Variants in PAN3 observed in about 807,000 individuals in gnomAD.
PAN3 encodes the protein poly(A) specific ribonuclease subunit PAN3.
Under a neutral mutation model 96.2 loss-of-function variants are expected in PAN3, and 19 were observed. That is an observed-to-expected ratio of 0.20 (90% confidence interval 0.14 to 0.29). The LOEUF is 0.29. Among genes scored for constraint, PAN3 ranks in the 10% least tolerant of loss-of-function variants. The pLI, the probability that PAN3 is intolerant of heterozygous loss-of-function variation, is 1.00. For synonymous variants in PAN3, 433 were observed against 406.6 expected (o/e 1.06, Z -0.78); for missense variants, 882 against 1,108.1 (o/e 0.80, Z 2.90).
At chr13:28,251,801 G>A (rs73158116) in intron 6 of PAN3, among the ~76,000 whole-genome samples, 2,202 of 152,172 alleles carry the variant, frequency 0.014, 20 homozygotes, top group Middle Eastern at 0.037. Flanking sequence ...ATCTGACCTA[G>A]CTTATAATTC....
chr13:28,238,619 G>T (rs985054165), intron 6 of PAN3, among the ~76,000 whole-genome samples: 4 of 152,208 alleles, frequency 2.6e-5, no homozygotes, highest in Admixed American at 2.6e-4. Flanking sequence ...TTAATTAATA[G>T]CATTGATACT....
At chr13:28,282,352 T>TA (rs1175417762) in intron 17 of PAN3, among the ~76,000 whole-genome samples, 1 of 151,712 alleles carries the variant, frequency 6.6e-6, no homozygotes, top group Non-Finnish European at 1.5e-5. Flanking sequence ...TTTTTTTTTT[T>TA]ACCATGGAAT....
intron 1 of PAN3, among the ~76,000 whole-genome samples, chr13:28,157,583 A>G (rs1872358294): frequency 6.6e-6 from 1 of 152,238 alleles, no homozygotes; most frequent in South Asian, 2.1e-4. Context: ...GCTGAGTGCC[A>G]AATCAAGAAT....
chr13:28,202,809 T>C (rs1480641330), intron 5 of PAN3, among the ~76,000 whole-genome samples: 1 of 152,196 alleles, frequency 6.6e-6, no homozygotes, highest in Non-Finnish European at 1.5e-5. Flanking sequence ...GTTAAGCATG[T>C]GTTTATTTCT....
intron 5 of PAN3, among the ~76,000 whole-genome samples, chr13:28,212,948 A>G (rs1290214495): frequency 6.6e-6 from 1 of 152,188 alleles, no homozygotes; most frequent in Non-Finnish European, 1.5e-5. Flanking sequence ...AAACCCACAG[A>G]CTCAAGGTGT....
At chr13:28,238,193 C>T (rs1227043423) in intron 6 of PAN3, among the ~76,000 whole-genome samples, 1 of 152,204 alleles carries the variant, frequency 6.6e-6, no homozygotes, top group Non-Finnish European at 1.5e-5. Flanking sequence ...GGCTGGAAGG[C>T]TGCAGCACTT....
intron 6 of PAN3, among the ~76,000 whole-genome samples, chr13:28,243,446 T>C (rs1883867983): frequency 6.6e-6 from 1 of 152,348 alleles, no homozygotes; most frequent in South Asian, 2.1e-4. Flanking sequence ...ATTTTTCATT[T>C]GTGTCTGTCT....
rs754982195 is a variant in PAN3, at chr13:28,292,833, CT to C, written c.*316del. 5.6e-6 allele frequency: 1 copy of C among 178,082 alleles called. No individual in the cohort carries two copies. The highest frequency in any genetic ancestry group is 1.2e-5 in the Non-Finnish European group (1 of 85,104). 11.0% of individuals were successfully genotyped at this position (178,082 alleles called of 1,614,324 possible). On this transcript the variant is annotated 3_prime_UTR_variant, in exon 19 of 19. Coordinates refer to ENST00000380958, the MANE Select transcript of PAN3 (RefSeq NM_175854.8). Reference sequence around the variant, plus strand: ...TGCACTAATTTTAATTTTTTAAAGACTTTTTCTGATCTTTGAACTTTTGCCA... The same window carrying C: ...TGCACTAATTTTAATTTTTTAAAGACTTTTCTGATCTTTGAACTTTTGCCA...
chr13:28,149,721 C>A (rs1447012379), intron 1 of PAN3, among the ~76,000 whole-genome samples: 1 of 152,038 alleles, frequency 6.6e-6, no homozygotes, highest in Non-Finnish European at 1.5e-5. Context: ...GCTCAAGTTA[C>A]CCTCTTGCCT....
intron 18 of PAN3, among the ~76,000 whole-genome samples, chr13:28,289,606 G>A (rs538607633): frequency 6.6e-6 from 1 of 152,352 alleles, no homozygotes; most frequent in African/African-American, 2.4e-5. Flanking sequence ...AAAAGGCTAG[G>A]CGCAGTAGCT....
At chr13:28,287,176 C>A (rs1869094662) in intron 17 of PAN3, among the ~76,000 whole-genome samples, 2 of 152,240 alleles carry the variant, frequency 1.3e-5, no homozygotes, top group Non-Finnish European at 1.5e-5. Context: ...AGAGCAGCCA[C>A]TACTTCCTCT....
At chr13:28,200,956 A>T (rs905860229) in intron 5 of PAN3, among the ~76,000 whole-genome samples, 1 of 152,164 alleles carries the variant, frequency 6.6e-6, no homozygotes, top group Non-Finnish European at 1.5e-5. Flanking sequence ...AGGGATCTCC[A>T]TAATTGCCAA....
At chr13:28,209,755 G>T (rs559168368) in intron 5 of PAN3, among the ~76,000 whole-genome samples, 5 of 148,958 alleles carry the variant, frequency 3.4e-5, no homozygotes, top group East Asian at 3.9e-4. Flanking sequence ...TCTCCTTCCT[G>T]CCTGCCTGCC....
rs959931534 is a variant in PAN3 at position 28,190,036 on chromosome 13, C to T, written c.691-7149C>T. ...TTGACTCACTGCAAACTCTGCCCCC[C>T]GGGTTCAAGTGATTCCCCTGCCTCA... On this transcript the variant is annotated intron_variant, in intron 4 of 18. Transcript: ENST00000380958. Among the ~76,000 whole-genome samples, 30 of 152,144 alleles carry T rather than the reference C, an allele frequency of 2.0e-4. 1 individual carries two copies. The highest frequency in any genetic ancestry group is 2.4e-5 in the African/African-American group (1 of 41,420).
intron 1 of PAN3, among the ~76,000 whole-genome samples, chr13:28,165,691 A>C (rs1308314560): frequency 2.0e-5 from 3 of 152,028 alleles, no homozygotes; most frequent in Non-Finnish European, 4.4e-5. Context: ...AGACTGGGTA[A>C]TTTTTATAGA....
At chr13:28,283,307 C>T (rs1868530338) in intron 17 of PAN3, among the ~76,000 whole-genome samples, 1 of 152,146 alleles carries the variant, frequency 6.6e-6, no homozygotes, top group Non-Finnish European at 1.5e-5. Context: ...CCTCAGCCTT[C>T]CAAAGTGCTA....
chr13:28,264,433 G>A (rs1885994403), intron 9 of PAN3, among the ~76,000 whole-genome samples: 1 of 152,054 alleles, frequency 6.6e-6, no homozygotes, highest in African/African-American at 2.4e-5. Context: ...CAGCTACTCG[G>A]GAGGCTGAGG....
chr13:28,138,725 C>A lies in PAN3; in HGVS notation c.68C>A (p.Ala23Glu). Residue 23 changes from alanine to glutamate, a missense_variant, in exon 1 of 19, where the codon GCG becomes GAG. Ala to Glu is a moderately radical substitution (Grantham distance 107). This residue lies in a region of PAN3 where 442 missense variants were observed against 422.8 expected (regional missense o/e 1.05). Coordinates refer to ENST00000380958, the MANE Select transcript of PAN3 (RefSeq NM_175854.8). Reference protein sequence around the residue: ...AASPSSSSLAAAVAVVAPPGV... With the variant: ...AASPSSSSLAEAVAVVAPPGV... ...TCCCCTTCCTCCTCCTCGCTGGCGG[C>A]GGCGGTGGCGGTGGTGGCCCCGCCG... 8.0e-7 allele frequency: 1 copy of A among 1,254,708 alleles called. No homozygotes were observed. The allele number at this position is 1,254,708 out of a possible 1,614,324, so 77.7% of individuals were successfully genotyped here. A position where few individuals can be genotyped will look rare whatever the true frequency, so the allele number is the denominator to read the frequency against.
chr13:28,290,438 T>G (rs982424921), intron 18 of PAN3, among the ~76,000 whole-genome samples: 1 of 152,120 alleles, frequency 6.6e-6, no homozygotes, highest in Non-Finnish European at 1.5e-5. Context: ...TCCCAGCACT[T>G]TGGGAGGCCC....
Sources: allele counts gnomAD v4.1 joint callset (sites outside exome capture counted in the v4.1 genomes callset), GRCh38; gene constraint gnomAD v4.1.1; regional missense constraint gnomAD v4.1.1; transcripts MANE v1.5; gene names NCBI Gene and HGNC (gene_info 2026-07-23, HGNC 2026-07-21).